CDH13: variants seen among roughly 807,000 people sequenced by gnomAD.
CDH13 encodes cadherin 13, also known as cadherin-13.
CDH13 carries 24 observed loss-of-function variants against 63.8 expected under a neutral mutation model. The ratio of observed to expected loss-of-function variants is 0.38; its 90% CI spans 0.27 to 0.53. CDH13 has a LOEUF of 0.53. Ranked by LOEUF, CDH13 falls within the 20% of genes least tolerant of loss-of-function variation. The pLI is 0.85. For missense variants in CDH13, 1,049 were observed against 903.1 expected (o/e 1.16, Z -2.07); for synonymous variants, 503 against 355.3 (o/e 1.42, Z -4.67).
intron 6 of CDH13, among the ~76,000 whole-genome samples, chr16:83,429,144 A>G (rs955610935): frequency 2.0e-5 from 3 of 152,342 alleles, no homozygotes; most frequent in South Asian, 2.1e-4. Context: ...GGGGTCAGCT[A>G]TGACTTAAGA....
At chr16:83,610,707 A>C (rs1171395489) in intron 8 of CDH13, among the ~76,000 whole-genome samples, 1 of 152,158 alleles carries the variant, frequency 6.6e-6, no homozygotes, top group South Asian at 2.1e-4. Context: ...TTACTCCTTC[A>C]TCCTACTACA....
At chr16:83,259,299 T>C (rs555464016) in intron 5 of CDH13, among the ~76,000 whole-genome samples, 63 of 152,314 alleles carry the variant, frequency 4.1e-4, no homozygotes, top group African/African-American at 1.5e-3. Context: ...CTTCTCAGCA[T>C]GAAATGGGAG....
chr16:83,582,680 CA>C (rs1567783096), intron 7 of CDH13, among the ~76,000 whole-genome samples: 1 of 152,142 alleles, frequency 6.6e-6, no homozygotes, highest in Non-Finnish European at 1.5e-5. Context: ...CAAACCACTG[CA>C]AAGAGCCACA....
intron 4 of CDH13, among the ~76,000 whole-genome samples, chr16:83,198,669 C>G (rs934853603): frequency 1.6e-4 from 25 of 152,174 alleles, no homozygotes; most frequent in African/African-American, 5.6e-4. Flanking sequence ...CACATAATTT[C>G]AGGAACCCAG....
At chr16:83,779,037 T>C (rs1312668405) in intron 11 of CDH13, among the ~76,000 whole-genome samples, 2 of 152,172 alleles carry the variant, frequency 1.3e-5, no homozygotes, top group Non-Finnish European at 1.5e-5. Context: ...GATTTCAGTG[T>C]GTGAGAATGA....
At chr16:82,959,661 C>G (rs770981341) in intron 2 of CDH13, among the ~76,000 whole-genome samples, 12 of 152,198 alleles carry the variant, frequency 7.9e-5, no homozygotes, top group Non-Finnish European at 1.6e-4. Flanking sequence ...TGAGAAGACT[C>G]TTTTTAAGGT....
Position 83,329,379 on chromosome 16 carries a change from C to A in CDH13, c.637-15483C>A, listed in dbSNP as rs139901572. Among the ~76,000 whole-genome samples, 408 of 150,240 alleles carry A rather than the reference C, an allele frequency of 2.7e-3. 4 individuals are homozygous for A. The highest frequency in any genetic ancestry group is 9.5e-3 in the African/African-American group (389 of 41,034). On this transcript the variant is annotated intron_variant, in intron 5 of 13. Coordinates refer to ENST00000567109, the MANE Select transcript of CDH13 (RefSeq NM_001257.5). ...TAGCTGTGACTGTAGGCACGTGCCACCACACATGGCTAATTTTTGTATTTT... is the reference window on the plus strand; with the variant it reads ...TAGCTGTGACTGTAGGCACGTGCCAACACACATGGCTAATTTTTGTATTTT...
At chr16:82,966,861 C>G (rs183377749) in intron 2 of CDH13, among the ~76,000 whole-genome samples, 1 of 152,084 alleles carries the variant, frequency 6.6e-6, no homozygotes, top group Non-Finnish European at 1.5e-5. Context: ...AATCACAGAA[C>G]AATGATCAAA....
chr16:83,571,971 T>C, intron 7 of CDH13, among the ~76,000 whole-genome samples: 1 of 152,114 alleles, frequency 6.6e-6, no homozygotes, highest in Non-Finnish European at 1.5e-5. Context: ...TCATTTAACA[T>C]TCTGAGCCTC....
intron 6 of CDH13, among the ~76,000 whole-genome samples, chr16:83,382,318 G>A (rs1379246291): frequency 6.6e-6 from 1 of 152,120 alleles, no homozygotes; most frequent in Non-Finnish European, 1.5e-5. Flanking sequence ...AATTGGTTGT[G>A]CAAATAAATC....
intron 7 of CDH13, among the ~76,000 whole-genome samples, chr16:83,522,176 A>G (rs542196650): frequency 1.8e-3 from 273 of 152,290 alleles, no homozygotes; most frequent in African/African-American, 6.4e-3. Flanking sequence ...CTTTAATGTC[A>G]TGTTTAATGC....
chr16:82,963,651 G>C (rs1907369591), intron 2 of CDH13, among the ~76,000 whole-genome samples: 1 of 152,182 alleles, frequency 6.6e-6, no homozygotes, highest in African/African-American at 2.4e-5. Flanking sequence ...TCCATGGGGA[G>C]AGAGCGCATA....
At chr16:82,890,581 CTTACAT>C in intron 2 of CDH13, among the ~76,000 whole-genome samples, 1 of 151,366 alleles carries the variant, frequency 6.6e-6, no homozygotes, top group Non-Finnish European at 1.5e-5. Context: ...TCAAGGTCTT[CTTACAT>C]TTGTAACATT....
At chr16:83,033,293 T>C (rs747208954) in intron 3 of CDH13, among the ~76,000 whole-genome samples, 21 of 152,156 alleles carry the variant, frequency 1.4e-4, no homozygotes, top group Non-Finnish European at 3.1e-4. Context: ...TATGTAATTG[T>C]TTACGGTTCT....
intron 10 of CDH13, among the ~76,000 whole-genome samples, chr16:83,705,541 G>A (rs1021117964): frequency 2.0e-5 from 3 of 152,134 alleles, no homozygotes; most frequent in Non-Finnish European, 4.4e-5. Context: ...AGAATGGCGT[G>A]AACCCGGGAG....
intron 6 of CDH13, among the ~76,000 whole-genome samples, chr16:83,392,593 A>C (rs569043228): frequency 6.6e-6 from 1 of 152,176 alleles, no homozygotes; most frequent in Admixed American, 6.5e-5. Context: ...GTGTGCACAC[A>C]GAAGGTACTG....
rs1424266486 is a variant in CDH13, at chr16:83,795,384, T to C, written c.*354T>C. On this transcript the variant is annotated 3_prime_UTR_variant, in exon 14 of 14. Coordinates refer to ENST00000567109, the MANE Select transcript of CDH13 (RefSeq NM_001257.5). ...AGCTTTGTCTGTGGGTTAGTATTGG[T>C]GTATGTATGAGTATCTGTATGTATA... 1 of 303,112 alleles carries C rather than the reference T, an allele frequency of 3.3e-6. No individual in the cohort carries two copies. Among genetic ancestry groups the C allele is most frequent in the African/African-American group, 2.2e-5 (1 of 46,092 alleles). 18.8% of individuals were successfully genotyped at this position (303,112 alleles called of 1,614,324 possible).
At chr16:83,064,384 A>G (rs545917058) in intron 3 of CDH13, among the ~76,000 whole-genome samples, 2 of 152,246 alleles carry the variant, frequency 1.3e-5, no homozygotes, top group East Asian at 3.9e-4. Context: ...AGAAAGTTAT[A>G]TGAGTATTGT....
chr16:83,608,126 G>T (rs1366566876), intron 8 of CDH13, among the ~76,000 whole-genome samples: 1 of 152,130 alleles, frequency 6.6e-6, no homozygotes, highest in African/African-American at 2.4e-5. Context: ...ATGGCAATTG[G>T]TCATTTAGAT....
Sources: allele counts gnomAD v4.1 joint callset (sites outside exome capture counted in the v4.1 genomes callset), GRCh38; gene constraint gnomAD v4.1.1; transcripts MANE v1.5; gene names NCBI Gene and HGNC (gene_info 2026-07-23, HGNC 2026-07-21).